The following BCL2L14 variants were observed in gnomAD, a reference collection of about 807,000 sequenced individuals.
BCL2L14 encodes the protein BCL2 like 14, also known as apoptosis facilitator Bcl-2-like protein 14.
BCL2L14 carries 27 observed loss-of-function variants against 35.3 expected under a neutral mutation model. The ratio of observed to expected loss-of-function variants is 0.76; its 90% CI spans 0.56 to 1.05. The LOEUF is 1.05. Among genes scored for constraint, BCL2L14 ranks in the 50% least tolerant of loss-of-function variants. BCL2L14 has a pLI of 0.00. For synonymous variants in BCL2L14, 139 were observed against 145.9 expected (o/e 0.95, Z 0.34); for missense variants, 377 against 382.6 (o/e 0.99, Z 0.12).
intron 1 of BCL2L14, among the ~76,000 whole-genome samples, chr12:12,072,990 G>T (rs778634454): frequency 6.6e-6 from 1 of 151,908 alleles, no homozygotes; most frequent in Non-Finnish European, 1.5e-5. Context: ...AGGCTCAAGC[G>T]ATTCTCCCCC....
intron 2 of BCL2L14, among the ~76,000 whole-genome samples, chr12:12,062,718 G>A (rs924293549): frequency 6.6e-6 from 1 of 151,946 alleles, no homozygotes; most frequent in Non-Finnish European, 1.5e-5. Context: ...GAAGGCCACC[G>A]CAGTCATTTC....
intron 2 of BCL2L14, among the ~76,000 whole-genome samples, chr12:12,060,001 C>G (rs1457194502): frequency 6.6e-6 from 1 of 152,000 alleles, no homozygotes; most frequent in Non-Finnish European, 1.5e-5. Flanking sequence ...TCCCTCCCAC[C>G]TGTCCCCTCA....
chr12:12,087,185 C>T, intron 2 of BCL2L14, 28 bp from the exon 3 acceptor site: 1 of 1,609,564 alleles, frequency 6.2e-7, no homozygotes, highest in Non-Finnish European at 8.5e-7. Flanking sequence ...TGGGAAGGGC[C>T]TCTCAGCACC....
At chr12:12,064,905 T>C (rs937478749) in intron 2 of BCL2L14, among the ~76,000 whole-genome samples, 1 of 152,204 alleles carries the variant, frequency 6.6e-6, no homozygotes, top group Non-Finnish European at 1.5e-5. Context: ...AGAACGTCTT[T>C]CTCCATCTCA....
rs560123962 is a variant in BCL2L14 at position 12,087,281 on chromosome 12, C to A, written c.502C>A (p.Gln168Lys). 1.2e-6 allele frequency: 2 copies of A among 1,614,222 alleles called. No individual in the cohort carries two copies. The highest frequency in any genetic ancestry group is 3.3e-5 in the Admixed American group (2 of 60,034). The change falls in exon 3 of 6, where the codon CAA becomes AAA. Residue 168 changes from glutamine (Q) to lysine (K), a missense_variant. Transcript: ENST00000308721. ...AEIVYSWPPP[Q>K]ATQAGGFKSK... ...AATTGTTTACTCCTGGCCACCACCA[C>A]AAGCGACCCAGGCAGGAGGCTTCAA...
At chr12:12,050,357 C>T (rs1168544272) in intron 1 of BCL2L14, among the ~76,000 whole-genome samples, 3 of 148,772 alleles carry the variant, frequency 2.0e-5, no homozygotes, top group African/African-American at 2.5e-5. Context: ...GGCGTGAACC[C>T]GAGAGGCGGA....
chr12:12,093,794 G>GGAA (rs1555095068), intron 4 of BCL2L14, among the ~76,000 whole-genome samples: 3 of 131,680 alleles, frequency 2.3e-5, no homozygotes, highest in African/African-American at 8.5e-5. Context: ...CTCCATCTCA[G>GGAA]AAAAAAAAAA....
At chr12:12,073,737 A>G (rs544447533) in intron 1 of BCL2L14, among the ~76,000 whole-genome samples, 3 of 152,328 alleles carry the variant, frequency 2.0e-5, no homozygotes, top group East Asian at 3.9e-4. Context: ...CCAAGGACAC[A>G]GTTCCTGAAG....
At chr12:12,050,272 AAAGAGCCTC>A (rs755170631) in intron 1 of BCL2L14, among the ~76,000 whole-genome samples, 1 of 152,058 alleles carries the variant, frequency 6.6e-6, no homozygotes, top group Non-Finnish European at 1.5e-5. Context: ...AGGAGTCTTG[AAAGAGCCTC>A]AATTAGCTGG....
At chr12:12,098,029 G>A (rs564532571) in intron 5 of BCL2L14, among the ~76,000 whole-genome samples, 7 of 151,198 alleles carry the variant, frequency 4.6e-5, no homozygotes, top group African/African-American at 1.7e-4. Flanking sequence ...AATGTGAGAG[G>A]GATGACTAAT....
chr12:12,067,292 G>A (rs1409994865), upstream of BCL2L14, among the ~76,000 whole-genome samples: 1 of 152,196 alleles, frequency 6.6e-6, no homozygotes, highest in Non-Finnish European at 1.5e-5. Flanking sequence ...GCTCACACCT[G>A]TAATCCCAGC....
chr12:12,097,153 A>C (rs1949332818), intron 5 of BCL2L14, among the ~76,000 whole-genome samples: 1 of 152,104 alleles, frequency 6.6e-6, no homozygotes, highest in Non-Finnish European at 1.5e-5. Context: ...TCAAAAAATA[A>C]AAAAAATTAA....
chr12:12,076,877 G>A (rs1280087226), intron 1 of BCL2L14, among the ~76,000 whole-genome samples: 1 of 152,146 alleles, frequency 6.6e-6, no homozygotes, highest in Non-Finnish European at 1.5e-5. Flanking sequence ...GCAGAACCAG[G>A]GGGAAAAGTT....
intron 2 of BCL2L14, among the ~76,000 whole-genome samples, chr12:12,080,461 A>G (rs1401947140): frequency 1.3e-5 from 2 of 151,410 alleles, no homozygotes; most frequent in Admixed American, 1.3e-4. Flanking sequence ...TCTACTAAAG[A>G]TACAAAAAAT....
chr12:12,050,420 G>C (rs770230142), intron 1 of BCL2L14, among the ~76,000 whole-genome samples: 1 of 126,424 alleles, frequency 7.9e-6, no homozygotes, highest in Non-Finnish European at 1.6e-5. Context: ...GCGACAGAGG[G>C]AGACACCATC....
At chr12:12,058,796 G>A (rs1195133636) in intron 2 of BCL2L14, among the ~76,000 whole-genome samples, 1 of 152,170 alleles carries the variant, frequency 6.6e-6, no homozygotes, top group East Asian at 1.9e-4. Context: ...TTGGTGCCAT[G>A]ACTCAGATGG....
In BCL2L14 at chr12:12,094,675, T is replaced by C. The variant is rs1332926522; in HGVS notation, c.690T>C (p.Asp230=). The C allele has an allele frequency of 1.9e-6, 3 of 1,614,084 alleles. No homozygotes were observed. The highest frequency in any genetic ancestry group is 2.5e-6 in the Non-Finnish European group (3 of 1,180,030). Residue 230 remains aspartate (D), a synonymous_variant, in exon 5 of 6, where the codon GAT becomes GAC. Coordinates refer to ENST00000308721, the MANE Select transcript of BCL2L14 (RefSeq NM_138723.2). ...GDQLERKLKK[D]KALMGHFQDG... ...TCTTTTGTACACAGCTGAAGAAAGA[T>C]AAGGCTTTGATGGGCCACTTCCAGG... is the stretch of plus-strand genomic sequence containing the variant.
intron 2 of BCL2L14, among the ~76,000 whole-genome samples, chr12:12,059,810 C>G (rs1235561200): frequency 6.6e-6 from 1 of 152,290 alleles, no homozygotes; most frequent in East Asian, 1.9e-4. Flanking sequence ...ATACAAACTC[C>G]ACAGTAGTTC....
intron 2 of BCL2L14, among the ~76,000 whole-genome samples, chr12:12,061,225 T>C (rs1450589023): frequency 6.6e-6 from 1 of 151,454 alleles, no homozygotes; most frequent in Non-Finnish European, 1.5e-5. Flanking sequence ...ACCTTTTCCC[T>C]CAGTTCAAAG....
Sources: allele counts gnomAD v4.1 joint callset (sites outside exome capture counted in the v4.1 genomes callset), GRCh38; gene constraint gnomAD v4.1.1; transcripts MANE v1.5; gene names NCBI Gene and HGNC (gene_info 2026-07-23, HGNC 2026-07-21).